SGTA: variants seen among roughly 807,000 people sequenced by gnomAD.
SGTA encodes the protein small glutamine rich tetratricopeptide repeat co-chaperone alpha.
In SGTA, 22 loss-of-function variants were observed where a neutral mutation model predicts 44.3. The ratio of observed to expected loss-of-function variants is 0.50; its 90% CI spans 0.36 to 0.71. SGTA has a LOEUF of 0.71. Among genes scored for constraint, SGTA ranks in the 30% least tolerant of loss-of-function variants. The pLI is 0.00. For missense variants in SGTA, 341 were observed against 435.9 expected (o/e 0.78, Z 1.94); for synonymous variants, 174 against 177.6 (o/e 0.98, Z 0.16).
rs751296458 is a variant in SGTA, at chr19:2,761,508, G to C, written c.651C>G (p.Gly217=). 11 of 1,551,468 alleles carry C rather than the reference G, an allele frequency of 7.1e-6. No individual in the cohort carries two copies. The highest frequency in any genetic ancestry group is 1.7e-4 in the Middle Eastern group (1 of 5,988). ...REAPSPTGGV[G]SFDIAGLLNN... ...TCAGCAGGCCGGCGATGTCGAAGCT[G>C]CCCACGCCTCCCGTCTGAGGATGAG... is the stretch of plus-strand genomic sequence containing the variant. The change falls in exon 8 of 12, where the codon GGC becomes GGG. Residue 217 remains glycine (G), a synonymous_variant. Coordinates refer to ENST00000221566, the MANE Select transcript of SGTA (RefSeq NM_003021.4). The surrounding 1 kb of genome is among the most constrained non-coding windows in gnomAD (Gnocchi z 5.7).
chr19:2,776,117 C>T (rs964877427), intron 1 of SGTA, among the ~76,000 whole-genome samples: 10 of 152,180 alleles, frequency 6.6e-5, no homozygotes, highest in African/African-American at 7.2e-5. Context: ...CAAAAGCTGA[C>T]GTCATCCGCC....
intron 9 of SGTA, among the ~76,000 whole-genome samples, chr19:2,758,333 A>G (rs1396490454): frequency 6.6e-6 from 1 of 152,174 alleles, no homozygotes; most frequent in African/African-American, 2.4e-5. Flanking sequence ...GTTCAAGACC[A>G]GCCTGGCCAA....
chr19:2,780,657 C>T (rs1024156703), intron 1 of SGTA, among the ~76,000 whole-genome samples: 1 of 152,202 alleles, frequency 6.6e-6, no homozygotes, highest in Non-Finnish European at 1.5e-5. Context: ...CCCATCTTCC[C>T]TTTGAACGCC....
At chr19:2,779,747 C>T (rs1376410531) in intron 1 of SGTA, among the ~76,000 whole-genome samples, 1 of 152,212 alleles carries the variant, frequency 6.6e-6, no homozygotes, top group Non-Finnish European at 1.5e-5. Context: ...CCCACCTTTT[C>T]ATTTTATCAT....
Position 2,761,767 on chromosome 19 carries a change from G to T in SGTA, c.637-245C>A, listed in dbSNP as rs963808442. Among the ~76,000 whole-genome samples the T allele has an allele frequency of 2.0e-5, 3 of 146,862 alleles. No individual in the cohort carries two copies. The highest frequency in any genetic ancestry group is 4.5e-5 in the Non-Finnish European group (3 of 66,878). On this transcript the variant is annotated intron_variant, in intron 7 of 11. Coordinates refer to ENST00000221566, the MANE Select transcript of SGTA (RefSeq NM_003021.4). The surrounding 1 kb of genome is among the most constrained non-coding windows in gnomAD (Gnocchi z 5.7). ...CGGGGACGGCACAGTCTATCATCCC[G>T]TGTTTATTCCCCGCACAGCGCGACC... is the stretch of plus-strand genomic sequence containing the variant.
At chr19:2,759,464 C>G (rs1568307313) in intron 8 of SGTA, 170 bp from the exon 9 acceptor site, 2 of 620,762 alleles carry the variant, frequency 3.2e-6, no homozygotes, top group Non-Finnish European at 5.8e-6. Context: ...TTTCGCCCCC[C>G]CACCCACGAG....
Position 2,767,353 on chromosome 19 carries a change from GC to G in SGTA, c.208-134del. ...CCGGGGGCTCTGCAGGGGACTCCTG[GC>G]CCCCCATCATGTGGCCCTGGGCGAG... is the stretch of plus-strand genomic sequence containing the variant. On this transcript the variant is annotated intron_variant, in intron 3 of 11. Transcript: ENST00000221566. This position sits in a 1 kb window ranked among gnomAD's most constrained non-coding sequence, Gnocchi z 7.3. 3 of 755,584 alleles carry G rather than the reference GC, an allele frequency of 4.0e-6. No individual in the cohort carries two copies. The highest frequency in any genetic ancestry group is 6.5e-6 in the Non-Finnish European group (3 of 461,868). 46.8% of individuals were successfully genotyped at this position (755,584 alleles called of 1,614,324 possible). A position where few individuals can be genotyped will look rare whatever the true frequency, so the allele number is the denominator to read the frequency against.
chr19:2,762,569 G>A lies in SGTA; in HGVS notation c.573C>T (p.Asp191=), dbSNP rs1915027343. ...YYKKALELDP[D]NETYKSNLKI... Reference sequence around the variant, plus strand: ...TGAGGTTGGACTTGTATGTCTCGTTGTCGGGGTCCAGCTCCAGAGCCTTCT... The same window carrying A: ...TGAGGTTGGACTTGTATGTCTCGTTATCGGGGTCCAGCTCCAGAGCCTTCT... Residue 191 remains aspartate, a synonymous_variant, in exon 7 of 12, where the codon GAC becomes GAT. Coordinates refer to ENST00000221566, the MANE Select transcript of SGTA (RefSeq NM_003021.4). 6.2e-7 allele frequency: 1 copy of A among 1,614,118 alleles called. No individual in the cohort carries two copies. Among genetic ancestry groups the A allele is most frequent in the East Asian group, 2.2e-5 (1 of 44,876 alleles).
intron 8 of SGTA, 128 bp from the exon 9 acceptor site, chr19:2,759,422 G>A: frequency 1.2e-6 from 1 of 836,396 alleles, no homozygotes; most frequent in Non-Finnish European, 2.0e-6. Flanking sequence ...TAAGAGCCGG[G>A]CATTCGGTCT....
intron 1 of SGTA, among the ~76,000 whole-genome samples, chr19:2,772,154 G>A (rs1053857727): frequency 3.9e-5 from 6 of 152,232 alleles, no homozygotes; most frequent in Admixed American, 1.3e-4. Flanking sequence ...CTCAGGAGCT[G>A]GGGAACCACC....
intron 1 of SGTA, 111 bp from the exon 2 acceptor site, chr19:2,769,202 A>C: frequency 2.6e-5 from 17 of 647,032 alleles, no homozygotes; most frequent in Non-Finnish European, 3.3e-5. Flanking sequence ...GGCTGATCTC[A>C]GCTCCAGGAC....
intron 2 of SGTA, among the ~76,000 whole-genome samples, chr19:2,768,286 G>A (rs540887785): frequency 1.5e-3 from 231 of 152,218 alleles, no homozygotes; most frequent in African/African-American, 5.4e-3. Context: ...TCCTAACCCA[G>A]GTCAGAAGTG....
chr19:2,764,293 C>T (rs1300823824), intron 5 of SGTA, among the ~76,000 whole-genome samples: 1 of 152,194 alleles, frequency 6.6e-6, no homozygotes, highest in Admixed American at 6.5e-5. Context: ...TGAAGCAGAT[C>T]CAAGACCACA....
Position 2,755,341 on chromosome 19 carries a change from G to A in SGTA, c.*599C>T, listed in dbSNP as rs2238614. 195,834 of 941,110 alleles carry A rather than the reference G, an allele frequency of 0.21. 21,270 individuals are homozygous for A. Among genetic ancestry groups the A allele is most frequent in the East Asian group, 0.51 (4,383 of 8,568 alleles). 58.3% of individuals were successfully genotyped at this position (941,110 alleles called of 1,614,324 possible). A position where few individuals can be genotyped will look rare whatever the true frequency, so the allele number is the denominator to read the frequency against. On this transcript the variant is annotated 3_prime_UTR_variant, in exon 12 of 12. Coordinates refer to ENST00000221566, the MANE Select transcript of SGTA (RefSeq NM_003021.4). This position sits in a 1 kb window ranked among gnomAD's most constrained non-coding sequence, Gnocchi z 5.2. ...ATGCACCCAGGACGGCTCCTGAGCC[G>A]CGGAGGCGTGGGGTGACCGCAGCCG...
chr19:2,762,381 G>T, intron 7 of SGTA, 125 bp downstream of exon 7: 1 of 957,326 alleles, frequency 1.0e-6, no homozygotes, highest in Non-Finnish European at 1.6e-6. Context: ...ACCACCAACT[G>T]AAACAAACCC....
chr19:2,755,758 G>A lies in SGTA; in HGVS notation c.*182C>T. ...CAAGAAGGGTCTGGGGGCTGTAAGG[G>A]AGTTACAAAAAGGGAGTGGAGGAGG... On this transcript the variant is annotated 3_prime_UTR_variant, in exon 12 of 12. Coordinates refer to ENST00000221566, the MANE Select transcript of SGTA (RefSeq NM_003021.4). This position sits in a 1 kb window ranked among gnomAD's most constrained non-coding sequence, Gnocchi z 5.2. 1 of 985,528 alleles carries A rather than the reference G, an allele frequency of 1.0e-6. No homozygotes were observed. The highest frequency in any genetic ancestry group is 4.7e-5 in the South Asian group (1 of 21,290). 61.0% of individuals were successfully genotyped at this position (985,528 alleles called of 1,614,324 possible).
Position 2,757,778 on chromosome 19 carries a change from A to G in SGTA, c.742T>C (p.Ser248Pro). Residue 248 changes from serine (S) to proline (P), a missense_variant, in exon 10 of 12, where the codon TCC (serine) becomes CCC (proline). By Grantham distance (74) the Ser-to-Pro change is moderately conservative. Transcript: ENST00000221566. ...TTGTTGCCACCCGAAATCATGCCGGACATGCTGCAGGAGAGAGCGCGTGAC... is the reference window on the plus strand; with the variant it reads ...TTGTTGCCACCCGAAATCATGCCGGGCATGCTGCAGGAGAGAGCGCGTGAC... ...MNNPQIQQLM[S>P]GMISGGNNPL... 6.3e-7 allele frequency: 1 copy of G among 1,597,544 alleles called. No homozygotes were observed. The highest frequency in any genetic ancestry group is 8.5e-7 in the Non-Finnish European group (1 of 1,172,534).
chr19:2,778,500 C>CA (rs1033561981), intron 1 of SGTA, among the ~76,000 whole-genome samples: 7 of 152,088 alleles, frequency 4.6e-5, no homozygotes, highest in Admixed American at 1.3e-4. Flanking sequence ...GAACACCGCC[C>CA]CCCCCGGCCC....
chr19:2,772,270 C>A (rs1181697494), intron 1 of SGTA, among the ~76,000 whole-genome samples: 1 of 152,228 alleles, frequency 6.6e-6, no homozygotes, highest in African/African-American at 2.4e-5. Flanking sequence ...AAGGGCGAGG[C>A]CTGAAGGAAT....
Sources: allele counts gnomAD v4.1 joint callset (sites outside exome capture counted in the v4.1 genomes callset), GRCh38; gene constraint gnomAD v4.1.1; non-coding constraint Gnocchi (gnomAD v3.1); transcripts MANE v1.5; gene names NCBI Gene and HGNC (gene_info 2026-07-23, HGNC 2026-07-21).